MYLK: variants seen among roughly 807,000 people sequenced by gnomAD.
The protein encoded by MYLK is myosin light chain kinase, smooth muscle.
In MYLK, 106 loss-of-function variants were observed where a neutral mutation model predicts 203.4. The observed-to-expected ratio is 0.52, with a 90% CI of 0.45 to 0.61. MYLK has a LOEUF of 0.61. Among genes scored for constraint, MYLK ranks in the 20% least tolerant of loss-of-function variants. The pLI is 0.00. For synonymous variants in MYLK, 867 were observed against 959.5 expected, an observed-to-expected ratio of 0.90 and a Z score of 1.78; for missense variants, 2,072 against 2,442.3, an observed-to-expected ratio of 0.85 and a Z score of 3.20.
intron 2 of MYLK, among the ~76,000 whole-genome samples, chr3:123,859,969 AAAAAAAAAC>A (rs2031750988): frequency 6.6e-6 from 1 of 152,068 alleles, no homozygotes; most frequent in Non-Finnish European, 1.5e-5. Context: ...CAGTTAGAAA[AAAAAAAAAC>A]TCCCCCTCAG....
chr3:123,752,653 C>A (rs1224804533), intron 4 of MYLK, 115 bp from the exon 5 acceptor site: 5 of 1,009,724 alleles, frequency 5.0e-6, no homozygotes, highest in Non-Finnish European at 7.5e-6. Flanking sequence ...ATAACGCCCC[C>A]ATTTCATCCT....
intron 2 of MYLK, among the ~76,000 whole-genome samples, chr3:123,856,514 T>C (rs1410567381): frequency 1.3e-5 from 2 of 152,246 alleles, no homozygotes; most frequent in East Asian, 3.8e-4. Context: ...TGAGTACCTC[T>C]TAATAATAAC....
At chr3:123,763,896 G>A (rs1359477851) in intron 4 of MYLK, among the ~76,000 whole-genome samples, 4 of 152,120 alleles carry the variant, frequency 2.6e-5, no homozygotes, top group Non-Finnish European at 5.9e-5. Flanking sequence ...TCTCTCTACT[G>A]TTTTCCTCAA....
intron 3 of MYLK, among the ~76,000 whole-genome samples, chr3:123,821,146 C>A (rs1436698690): frequency 6.6e-6 from 1 of 152,104 alleles, no homozygotes; most frequent in East Asian, 1.9e-4. Flanking sequence ...ACTAATGATT[C>A]TTTTAAAAAT....
chr3:123,819,986 T>TA (rs763381483), intron 3 of MYLK, among the ~76,000 whole-genome samples: 123 of 152,222 alleles, frequency 8.1e-4, no homozygotes, highest in Non-Finnish European at 9.3e-4. Flanking sequence ...GAATAAAACT[T>TA]ACGGAGAGCT....
chr3:123,722,426 C>T, intron 12 of MYLK, 146 bp from the exon 13 acceptor site: 2 of 1,041,526 alleles, frequency 1.9e-6, no homozygotes, highest in South Asian at 2.9e-5. Flanking sequence ...GTACCATGCA[C>T]ATCTCCAGCC....
At chr3:123,644,277 AG>A (rs1327473097) in intron 27 of MYLK, among the ~76,000 whole-genome samples, 2 of 152,112 alleles carry the variant, frequency 1.3e-5, no homozygotes, top group Admixed American at 6.5e-5. Context: ...TTAAGCTGGA[AG>A]GGATGTATAG....
chr3:123,868,851 T>C (rs2032534003), intron 2 of MYLK, among the ~76,000 whole-genome samples: 1 of 152,230 alleles, frequency 6.6e-6, no homozygotes, highest in South Asian at 2.1e-4. Flanking sequence ...CAGCCTATTT[T>C]ACATGCCACG....
chr3:123,687,586 T>A (rs1180247347), intron 19 of MYLK, among the ~76,000 whole-genome samples: 1 of 151,352 alleles, frequency 6.6e-6, no homozygotes, highest in East Asian at 2.0e-4. Flanking sequence ...CTTCCTTCCT[T>A]TCTTCCTTCC....
rs1210823408 is a variant in MYLK at position 123,700,003 on chromosome 3, C to A, written c.3448+17G>T. On this transcript the variant is annotated intron_variant, in intron 18 of 33. Transcript: ENST00000360304. Reference sequence around the variant, plus strand: ...GGTACAGAGGCCCCTTCTTCCCCAACCCCCATGCTCATTTACCTTCCTGGG... The same window carrying A: ...GGTACAGAGGCCCCTTCTTCCCCAAACCCCATGCTCATTTACCTTCCTGGG... 5.0e-6 allele frequency: 8 copies of A among 1,613,986 alleles called. No homozygotes were observed. The highest frequency in any genetic ancestry group is 2.2e-5 in the East Asian group (1 of 44,870).
chr3:123,756,727 G>T (rs1471035887), intron 4 of MYLK, among the ~76,000 whole-genome samples: 2 of 152,120 alleles, frequency 1.3e-5, no homozygotes, highest in Non-Finnish European at 2.9e-5. Context: ...AGACAGCCCT[G>T]AGTTTTCACC....
In MYLK at chr3:123,705,281, G is replaced by T. The variant is rs555725332; in HGVS notation, c.2390+2473C>A. ...TCTCCACTGACTTGCTTCTTCTCAG[G>T]TGGGGAAAAAGCCAAGGCCAGGGCA... On this transcript the variant is annotated intron_variant, in intron 16 of 33. Coordinates refer to ENST00000360304, the MANE Select transcript of MYLK (RefSeq NM_053025.4). Among the ~76,000 whole-genome samples, 89 of 152,322 alleles carry T rather than the reference G, an allele frequency of 5.8e-4. No homozygotes were observed. The South Asian group carries it at 0.013, about 22-fold the overall frequency.
Position 123,700,564 on chromosome 3 carries a change from A to T in MYLK, c.2904T>A (p.Pro968=), listed in dbSNP as rs1269661005. 6.2e-7 allele frequency: 1 copy of T among 1,613,514 alleles called. No individual in the cohort carries two copies. Among genetic ancestry groups the T allele is most frequent in the Non-Finnish European group, 8.5e-7 (1 of 1,179,820 alleles). ...CAGGTTTTGGCGGTGGCACCTTCTC[A>T]GGCACGGGGGTCTTGGAAGTCCCCT... is the stretch of plus-strand genomic sequence containing the variant. ...AKKGTSKTPV[P]EKVPPPKPAT... is the part of the protein sequence containing the mutation. Residue 968 remains proline, a synonymous_variant, in exon 18 of 34, where the codon CCT becomes CCA. Coordinates refer to ENST00000360304, the MANE Select transcript of MYLK (RefSeq NM_053025.4).
Position 123,618,722 on chromosome 3 carries a change from T to G in MYLK, c.5417A>C (p.His1806Pro), listed in dbSNP as rs1327158495. The change falls in exon 33 of 34, where the codon CAT (histidine) becomes CCT (proline). Residue 1806 changes from histidine (H) to proline (P), a missense_variant. Physicochemically the swap from His to Pro is moderately conservative, Grantham distance 77. Transcript: ENST00000360304. ...GGTCTTAGAGAAATAGGGTTTTACA[T>G]GAGGCTTTTCCTCAGCAACAGCCTC... ...FLEAVAEEKP[H>P]VKPYFSKTIR... is the part of the protein sequence containing the mutation. 4 of 1,614,094 alleles carry G rather than the reference T, an allele frequency of 2.5e-6. No individual in the cohort carries two copies. The East Asian group carries it at 8.9e-5, about 36-fold the overall frequency.
rs191051541 is a variant in MYLK, at chr3:123,837,800, A to G, written c.-126-6130T>C. Among the ~76,000 whole-genome samples, 9 of 152,114 alleles carry G rather than the reference A, an allele frequency of 5.9e-5. 1 individual carries two copies. Among genetic ancestry groups the G allele is most frequent in the Admixed American group, 5.9e-4 (9 of 15,268 alleles). On this transcript the variant is annotated intron_variant, in intron 2 of 33. Coordinates refer to ENST00000360304, the MANE Select transcript of MYLK (RefSeq NM_053025.4). ...ATGGCTTCAACAGGCTCACAAGCAC[A>G]CTCAACACAACTGGGGAAACAAAAT...
intron 24 of MYLK, among the ~76,000 whole-genome samples, chr3:123,655,090 T>C (rs2059351652): frequency 6.6e-6 from 1 of 152,222 alleles, no homozygotes; most frequent in Admixed American, 6.5e-5. Flanking sequence ...TCCATGCTTC[T>C]GGCCTCTCTT....
intron 4 of MYLK, among the ~76,000 whole-genome samples, chr3:123,765,909 C>T (rs2063687499): frequency 6.6e-6 from 1 of 151,924 alleles, no homozygotes; most frequent in Admixed American, 6.6e-5. Context: ...TTGCCAGGGG[C>T]TAGAGGGAAA....
At chr3:123,667,617 GA>G (rs1330130327) in intron 20 of MYLK, among the ~76,000 whole-genome samples, 1 of 149,594 alleles carries the variant, frequency 6.7e-6, no homozygotes, top group African/African-American at 2.5e-5. Flanking sequence ...AAAAAAAAAA[GA>G]AAAAAGAAAG....
At chr3:123,750,978 A>G (rs2063175154) in intron 5 of MYLK, among the ~76,000 whole-genome samples, 1 of 152,190 alleles carries the variant, frequency 6.6e-6, no homozygotes, top group Non-Finnish European at 1.5e-5. Flanking sequence ...TGGTGTGGGG[A>G]GACAGGGAAA....
Sources: allele counts gnomAD v4.1 joint callset (sites outside exome capture counted in the v4.1 genomes callset), GRCh38; gene constraint gnomAD v4.1.1; transcripts MANE v1.5; gene names NCBI Gene and HGNC (gene_info 2026-07-23, HGNC 2026-07-21).